The following RALGAPA2 variants were observed in gnomAD, a reference collection of about 807,000 sequenced individuals.
RALGAPA2 encodes the protein ral GTPase-activating protein subunit alpha-2.
In RALGAPA2, 139 loss-of-function variants were observed where a neutral mutation model predicts 230.4. That is an observed-to-expected ratio of 0.60 (90% confidence interval 0.53 to 0.69). The LOEUF (loss-of-function observed/expected upper bound fraction) is 0.69. Among genes scored for constraint, RALGAPA2 ranks in the 30% least tolerant of loss-of-function variants. RALGAPA2 has a pLI of 0.00. For missense variants in RALGAPA2, 2,163 were observed against 2,276.0 expected, an observed-to-expected ratio of 0.95 and a Z score of 1.01; for synonymous variants, 847 against 837.8, an observed-to-expected ratio of 1.01 and a Z score of -0.19.
At chr20:20,643,621 T>C in intron 4 of RALGAPA2, 72 bp from the exon 5 acceptor site, 8 of 1,272,530 alleles carry the variant, frequency 6.3e-6, no homozygotes, top group Non-Finnish European at 7.4e-6. Flanking sequence ...TAAGAAAATA[T>C]GTACTTATGA....
At chr20:20,614,573 T>A (rs2146306055) in intron 13 of RALGAPA2, among the ~76,000 whole-genome samples, 1 of 152,218 alleles carries the variant, frequency 6.6e-6, no homozygotes, top group East Asian at 1.9e-4. Flanking sequence ...ATTGTTTAAC[T>A]TGGCAAATAG....
At chr20:20,689,417 G>T (rs151253794) in intron 1 of RALGAPA2, among the ~76,000 whole-genome samples, 112 of 152,344 alleles carry the variant, frequency 7.4e-4, no homozygotes, top group African/African-American at 2.7e-3. Flanking sequence ...GCCAAGGCGG[G>T]CAGATCACGA....
intron 2 of RALGAPA2, among the ~76,000 whole-genome samples, chr20:20,676,641 A>G (rs2068333007): frequency 6.6e-6 from 1 of 152,228 alleles, no homozygotes; most frequent in South Asian, 2.1e-4. Context: ...TAAGTTGGTA[A>G]TATAAAAAGT....
chr20:20,613,309 G>A (rs2066030904), intron 13 of RALGAPA2, among the ~76,000 whole-genome samples: 1 of 152,188 alleles, frequency 6.6e-6, no homozygotes, highest in African/African-American at 2.4e-5. Flanking sequence ...ACACAGGAGT[G>A]AGGATTTTCC....
At chr20:20,677,322 T>C (rs755031914) in intron 2 of RALGAPA2, among the ~76,000 whole-genome samples, 57 of 152,102 alleles carry the variant, frequency 3.7e-4, no homozygotes, top group Admixed American at 1.2e-3. Context: ...TCCTTTGAGG[T>C]TAGGAAGCAA....
chr20:20,705,320 C>T (rs1315727830), intron 1 of RALGAPA2, among the ~76,000 whole-genome samples: 2 of 152,256 alleles, frequency 1.3e-5, no homozygotes, highest in East Asian at 3.9e-4. Flanking sequence ...GATCCTCCAG[C>T]CTCAGCCTCC....
intron 37 of RALGAPA2, among the ~76,000 whole-genome samples, chr20:20,435,334 G>T (rs1171376583): frequency 6.6e-6 from 1 of 152,200 alleles, no homozygotes; most frequent in Non-Finnish European, 1.5e-5. Context: ...GAGATGGAGG[G>T]TGTTCACCAC....
chr20:20,680,621 T>C, intron 2 of RALGAPA2, 70 bp downstream of exon 2: 2 of 1,439,788 alleles, frequency 1.4e-6, no homozygotes, highest in African/African-American at 1.5e-5. Context: ...GTATAATTTG[T>C]GGCTCATGAT....
intron 1 of RALGAPA2, among the ~76,000 whole-genome samples, chr20:20,703,034 A>C (rs890445219): frequency 1.3e-5 from 2 of 152,074 alleles, no homozygotes; most frequent in African/African-American, 2.4e-5. Flanking sequence ...TTAGCCAGGC[A>C]TGGTGGCACA....
intron 16 of RALGAPA2, among the ~76,000 whole-genome samples, chr20:20,599,281 T>C (rs1043908624): frequency 1.8e-4 from 28 of 152,118 alleles, no homozygotes; most frequent in Admixed American, 6.6e-4. Flanking sequence ...TCCAAAAAGC[T>C]CAAGAACACA....
At chr20:20,512,447 C>G (rs1413453562) in intron 32 of RALGAPA2, 66 bp downstream of exon 32, 1 of 1,405,310 alleles carries the variant, frequency 7.1e-7, no homozygotes, top group African/African-American at 1.5e-5. Context: ...CAACCACAAA[C>G]TGATAAAAAG....
At position 20,508,153 on chromosome 20, in the gene RALGAPA2, T is replaced by G. The variant is rs6035639; in HGVS notation, c.4929-2619A>C. ...ATGTGAGTGTGAGGAAAGATGACCT[T>G]TAGTTGTAAACATTCATCAAATTTC... On this transcript the variant is annotated intron_variant, in intron 33 of 39. Coordinates refer to ENST00000202677, the MANE Select transcript of RALGAPA2 (RefSeq NM_020343.4). Among the ~76,000 whole-genome samples the G allele has an allele frequency of 2.4e-3, 359 of 152,262 alleles. 2 individuals carry two copies. Among genetic ancestry groups the G allele is most frequent in the African/African-American group, 8.1e-3 (337 of 41,556 alleles).
At position 20,390,348 on chromosome 20, in the gene RALGAPA2, T is replaced by G. The variant is rs2059584204; in HGVS notation, c.*2941A>C. ...TTGCTGAGGCAACCCAGGCTAAATT[T>G]CTTCACTTCTGTCTGCTGAAGGCTT... On this transcript the variant is annotated 3_prime_UTR_variant, in exon 40 of 40. Coordinates refer to ENST00000202677, the MANE Select transcript of RALGAPA2 (RefSeq NM_020343.4). The G allele has an allele frequency of 1.3e-5, 2 of 152,226 alleles. No homozygotes were observed. The highest frequency in any genetic ancestry group is 4.1e-4 in the South Asian group (2 of 4,822). The allele number at this position is 152,226 out of a possible 1,614,324, so 9.4% of individuals were successfully genotyped here.
intron 3 of RALGAPA2, among the ~76,000 whole-genome samples, chr20:20,656,870 C>CAG (rs2067606162): frequency 6.6e-6 from 1 of 152,076 alleles, no homozygotes; most frequent in Non-Finnish European, 1.5e-5. Context: ...ATGAGGGTCT[C>CAG]AGGAGTTAGG....
chr20:20,480,447 A>C (rs1360467920), intron 36 of RALGAPA2, among the ~76,000 whole-genome samples: 2 of 152,160 alleles, frequency 1.3e-5, no homozygotes, highest in Admixed American at 6.6e-5. Context: ...GCTGACCCAT[A>C]AGGTATGGTA....
At chr20:20,511,175 C>G in intron 33 of RALGAPA2, 79 bp downstream of exon 33, 2 of 1,526,476 alleles carry the variant, frequency 1.3e-6, no homozygotes, top group Admixed American at 2.3e-5. Context: ...TAAGTCTATT[C>G]ATTCCTGCTG....
At chr20:20,476,342 T>C (rs1234789272) in intron 36 of RALGAPA2, among the ~76,000 whole-genome samples, 2 of 152,112 alleles carry the variant, frequency 1.3e-5, no homozygotes, top group Non-Finnish European at 2.9e-5. Flanking sequence ...GAAATCATTA[T>C]AGTGGTACCA....
chr20:20,492,525 G>C (rs1453469892), intron 36 of RALGAPA2, among the ~76,000 whole-genome samples: 1 of 152,162 alleles, frequency 6.6e-6, no homozygotes, highest in African/African-American at 2.4e-5. Flanking sequence ...CCACAGTAAG[G>C]AGCACTAGTT....
chr20:20,680,651 GC>G (rs774968786), intron 2 of RALGAPA2, 39 bp downstream of exon 2: 42 of 1,493,914 alleles, frequency 2.8e-5, no homozygotes, highest in Middle Eastern at 2.0e-4. Flanking sequence ...TTATAAAAAT[GC>G]CCGAATGTTT....
Sources: gnomAD v4.1 joint callset for allele counts (sites outside exome capture counted in the v4.1 genomes callset) on GRCh38, gnomAD v4.1.1 for gene constraint, MANE v1.5 for transcripts, NCBI Gene and HGNC (gene_info 2026-07-23, HGNC 2026-07-21) for gene names.